Variants in C1orf167 observed in about 807,000 individuals in gnomAD.
The protein encoded by C1orf167 is chromosome 1 open reading frame 167, also known as uncharacterized protein C1orf167.
A neutral mutation model predicts 176.5 loss-of-function variants in C1orf167; 153 were observed. That is an observed-to-expected ratio of 0.87 (90% CI 0.76 to 0.99). The LOEUF is 0.99. Among genes scored for constraint, C1orf167 ranks in the 50% least tolerant of loss-of-function variants. The pLI is 0.00. For missense variants in C1orf167, 1,490 were observed against 1,817.7 expected, an observed-to-expected ratio of 0.82 and a Z score of 3.28; for synonymous variants, 594 against 752.7, an observed-to-expected ratio of 0.79 and a Z score of 3.45.
At chr1:11,776,436 G>A in intron 9 of C1orf167, 28 bp from the exon 10 acceptor site, 1 of 1,292,712 alleles carries the variant, frequency 7.7e-7, no homozygotes, top group Middle Eastern at 2.2e-4. Context: ...TGGGGAGGCA[G>A]CTGACTGGAC....
intron 8 of C1orf167, 123 bp from the exon 9 acceptor site, chr1:11,775,312 A>C: frequency 1.5e-6 from 1 of 672,554 alleles, no homozygotes; most frequent in Non-Finnish European, 2.2e-6. Flanking sequence ...CAAAACACGG[A>C]GGCTCAGAGA....
chr1:11,771,071 T>TATA (rs1643050943), intron 6 of C1orf167, among the ~76,000 whole-genome samples: 11 of 16,066 alleles, frequency 6.8e-4, no homozygotes, highest in African/African-American at 1.8e-3. Context: ...ATATATATAT[T>TATA]TTTTTTTTTT....
Position 11,766,126 on chromosome 1 carries a change from A to G in C1orf167, c.340A>G (p.Lys114Glu). 7.8e-7 allele frequency: 1 copy of G among 1,289,806 alleles called. No individual in the cohort carries two copies. The highest frequency in any genetic ancestry group is 1.0e-6 in the Non-Finnish European group (1 of 988,862). The allele number at this position is 1,289,806 out of a possible 1,614,324, so 79.9% of individuals were successfully genotyped here. Reference sequence around the variant, plus strand: ...GTCCCTGGCCAGGAGGCGCCAAGGGAAGGCCCGAGAGTTTGCCATCCAGCA... The same window carrying G: ...GTCCCTGGCCAGGAGGCGCCAAGGGGAGGCCCGAGAGTTTGCCATCCAGCA... ...LQSLARRRQGKAREFAIQQSN... is the reference protein window; with the variant it reads ...LQSLARRRQGEAREFAIQQSN... The change falls in exon 3 of 21, where the codon AAG becomes GAG. Residue 114 changes from lysine to glutamate, a missense_variant. Coordinates refer to ENST00000688073, the MANE Select transcript of C1orf167 (RefSeq NM_001010881.2). This position sits in a 1 kb window ranked among gnomAD's most constrained non-coding sequence, Gnocchi z 4.5.
Position 11,782,306 on chromosome 1 carries a change from C to A in C1orf167, c.2978C>A (p.Thr993Asn). ...QAAAHQRCTV[T>N]RPEQLLLQSY... ...GCAGCTCATCAGAGATGCACAGTGACCCGGCCAGAGCAGCTGCTACTGCAG... is the reference window on the plus strand; with the variant it reads ...GCAGCTCATCAGAGATGCACAGTGAACCGGCCAGAGCAGCTGCTACTGCAG... The change falls in exon 14 of 21, where the codon ACC (threonine) becomes AAC (asparagine). Residue 993 changes from threonine to asparagine, a missense_variant. Coordinates refer to ENST00000688073, the MANE Select transcript of C1orf167 (RefSeq NM_001010881.2). The A allele has an allele frequency of 1.6e-6, 2 of 1,289,944 alleles. No homozygotes were observed. The highest frequency in any genetic ancestry group is 1.3e-5 in the South Asian group (1 of 78,836). 79.9% of individuals were successfully genotyped at this position (1,289,944 alleles called of 1,614,324 possible). A position where few individuals can be genotyped will look rare whatever the true frequency, so the allele number is the denominator to read the frequency against.
Position 11,768,230 on chromosome 1 carries a change from A to G in C1orf167, c.1497A>G (p.Ala499=). 2 of 1,289,906 alleles carry G rather than the reference A, an allele frequency of 1.6e-6. No homozygotes were observed. The highest frequency in any genetic ancestry group is 2.0e-6 in the Non-Finnish European group (2 of 988,858). The allele number at this position is 1,289,906 out of a possible 1,614,324, so 79.9% of individuals were successfully genotyped here. ...LWLREAQLEA[A]WGQYTKVLLV... is the part of the protein sequence containing the mutation. The stretch of plus-strand genomic sequence containing the variant: ...TCCGGGAGGCTCAGCTGGAGGCAGC[A>G]TGGGGGCAGTACACAAAGGTTCTGC... The change falls in exon 5 of 21, where the codon GCA becomes GCG. Residue 499 remains alanine, a synonymous_variant. Transcript: ENST00000688073. This position sits in a 1 kb window ranked among gnomAD's most constrained non-coding sequence, Gnocchi z 4.5.
intron 6 of C1orf167, among the ~76,000 whole-genome samples, chr1:11,770,230 G>C (rs1201857979): frequency 6.6e-6 from 1 of 150,972 alleles, no homozygotes; most frequent in East Asian, 1.9e-4. Context: ...ACCACATGGT[G>C]CATAGAAAAA....
At chr1:11,770,477 G>A (rs1002288275) in intron 6 of C1orf167, among the ~76,000 whole-genome samples, 6 of 145,814 alleles carry the variant, frequency 4.1e-5, no homozygotes, top group African/African-American at 1.0e-4. Context: ...TCAGAGTATC[G>A]CTCTGTTGCC....
Position 11,788,700 on chromosome 1 carries a change from A to C in C1orf167, c.4127A>C (p.Asp1376Ala). Residue 1376 changes from aspartate (D) to alanine (A), a missense_variant, in exon 20 of 21, where the codon GAT becomes GCT. Coordinates refer to ENST00000688073, the MANE Select transcript of C1orf167 (RefSeq NM_001010881.2). ...EMGLADVVAA[D>A]PATASGSAVT... is the part of the protein sequence containing the mutation. The stretch of plus-strand genomic sequence containing the variant: ...GGCCTGGCAGACGTGGTGGCAGCGG[A>C]TCCTGCGACTGCGAGTGGCTCAGCA... 7.7e-7 allele frequency: 1 copy of C among 1,304,208 alleles called. No homozygotes were observed. The highest frequency in any genetic ancestry group is 1.0e-6 in the Non-Finnish European group (1 of 988,942). 80.8% of individuals were successfully genotyped at this position (1,304,208 alleles called of 1,614,324 possible). A position where few individuals can be genotyped will look rare whatever the true frequency, so the allele number is the denominator to read the frequency against.
chr1:11,784,157 A>T lies in C1orf167; in HGVS notation c.3006-17A>T, dbSNP rs12135232. On this transcript the variant is annotated splice_polypyrimidine_tract_variant and intron_variant, in intron 14 of 20. Coordinates refer to ENST00000688073, the MANE Select transcript of C1orf167 (RefSeq NM_001010881.2). ...AGCATGAGCCACCACACCTGGCCCAATGTGTCTGTTTTGCAGCTACTTCCA... is the reference window on the plus strand; with the variant it reads ...AGCATGAGCCACCACACCTGGCCCATTGTGTCTGTTTTGCAGCTACTTCCA... 201,415 of 1,216,218 alleles carry T rather than the reference A, an allele frequency of 0.17. 17,887 individuals are homozygous for T. The highest frequency in any genetic ancestry group is 0.25 in the South Asian group (16,579 of 66,356). 75.3% of individuals were successfully genotyped at this position (1,216,218 alleles called of 1,614,324 possible). A position where few individuals can be genotyped will look rare whatever the true frequency, so the allele number is the denominator to read the frequency against.
At position 11,788,756 on chromosome 1, in the gene C1orf167, T is replaced by C; in HGVS notation, c.4173+10T>C. On this transcript the variant is annotated intron_variant, in intron 20 of 20. Coordinates refer to ENST00000688073, the MANE Select transcript of C1orf167 (RefSeq NM_001010881.2). ...AGCAGCAGGAAGATGGGTGGGTCCT[T>C]TCCCAGGTACTGCCCTCTTCCCTGC... The C allele has an allele frequency of 7.7e-7, 1 of 1,303,852 alleles. No individual in the cohort carries two copies. The highest frequency in any genetic ancestry group is 2.3e-5 in the Admixed American group (1 of 43,564). The allele number at this position is 1,303,852 out of a possible 1,614,324, so 80.8% of individuals were successfully genotyped here.
At chr1:11,774,624 G>A (rs748684173) in intron 8 of C1orf167, among the ~76,000 whole-genome samples, 10 of 152,152 alleles carry the variant, frequency 6.6e-5, no homozygotes, top group Non-Finnish European at 1.2e-4. Context: ...ATCCTGAGGC[G>A]TAGCAGAGCC....
chr1:11,762,798 A>G (rs1198457711), intron 1 of C1orf167, among the ~76,000 whole-genome samples: 1 of 152,206 alleles, frequency 6.6e-6, no homozygotes, highest in Non-Finnish European at 1.5e-5. Flanking sequence ...TGGGCTGCAA[A>G]TCCAGCAGGG....
intron 13 of C1orf167, among the ~76,000 whole-genome samples, chr1:11,780,831 A>C (rs1643562196): frequency 1.3e-5 from 2 of 151,900 alleles, no homozygotes. Context: ...GGGGTCAGCA[A>C]AATAGGGCAG....
At chr1:11,765,053 CAA>C (rs376686533) in intron 2 of C1orf167, among the ~76,000 whole-genome samples, 13,486 of 66,214 alleles carry the variant, frequency 0.2, 477 homozygotes, top group Middle Eastern at 0.37. Flanking sequence ...GACTCTGTCT[CAA>C]AAAAAAAAAA....
intron 4 of C1orf167, among the ~76,000 whole-genome samples, chr1:11,767,718 C>T (rs984460686): frequency 1.5e-4 from 23 of 152,040 alleles, no homozygotes; most frequent in African/African-American, 5.3e-4. Context: ...CTCAGCTACG[C>T]AGGAGGCTGA....
chr1:11,775,193 G>A (rs542302088), intron 8 of C1orf167, among the ~76,000 whole-genome samples: 51 of 152,320 alleles, frequency 3.3e-4, no homozygotes, highest in African/African-American at 1.2e-3. Context: ...GGAGGCTGAT[G>A]CAGGAGAATC....
chr1:11,787,548 G>T, intron 17 of C1orf167, 55 bp downstream of exon 17: 1 of 1,187,740 alleles, frequency 8.4e-7, no homozygotes, highest in Non-Finnish European at 1.1e-6. Context: ...GGGGTGAAGC[G>T]GTCTCCAGTC....
chr1:11,770,971 T>TG (rs1643026495), intron 6 of C1orf167, among the ~76,000 whole-genome samples: 8 of 23,318 alleles, frequency 3.4e-4, no homozygotes, highest in African/African-American at 5.1e-4. Context: ...CACTGGCTAA[T>TG]TTGTGTGTGT....
At position 11,771,633 on chromosome 1, in the gene C1orf167, G is replaced by T. The variant is rs1362845143; in HGVS notation, c.1807G>T (p.Ala603Ser). The change falls in exon 7 of 21, where the codon GCT (alanine) becomes TCT (serine). Residue 603 changes from alanine (A) to serine (S), a missense_variant. Ala to Ser is a moderately conservative substitution (Grantham distance 99, BLOSUM62 1). Transcript: ENST00000688073. ...CCAGATCCTGCAGGCCCTGCAACTG[G>T]CTGGTGAGACGTGGGGTGCTGGGAA... ...RVQILQALQL[A>S]VFFLWCQQKK... 7.8e-7 allele frequency: 1 copy of T among 1,289,582 alleles called. No homozygotes were observed. The highest frequency in any genetic ancestry group is 1.2e-5 in the South Asian group (1 of 81,024). 79.9% of individuals were successfully genotyped at this position (1,289,582 alleles called of 1,614,324 possible).
Sources: allele counts gnomAD v4.1 joint callset (sites outside exome capture counted in the v4.1 genomes callset), GRCh38; gene constraint gnomAD v4.1.1; non-coding constraint Gnocchi (gnomAD v3.1); transcripts MANE v1.5; gene names NCBI Gene and HGNC (gene_info 2026-07-23, HGNC 2026-07-21).